Variants in DNAH6 observed in about 807,000 individuals in gnomAD.
The protein encoded by DNAH6 is axonemal beta dynein heavy chain 6.
DNAH6 carries 340 observed loss-of-function variants against 491.4 expected under a neutral mutation model. The ratio of observed to expected loss-of-function variants is 0.69; its 90% confidence interval spans 0.63 to 0.76. DNAH6 has a LOEUF of 0.76. DNAH6 is among the 30% of genes least tolerant of loss of function. The probability of loss-of-function intolerance (pLI) is 0.00; values close to 1 mark genes in which losing one functional copy is unlikely to be tolerated. For missense variants in DNAH6, 4,443 were observed against 4,972.2 expected (o/e 0.89, Z 3.20); for synonymous variants, 1,603 against 1,686.1 (o/e 0.95, Z 1.21).
At chr2:84,751,037 A>G (rs976143253) in intron 63 of DNAH6, 1 of 152,286 alleles carries the variant, frequency 6.6e-6, no homozygotes, top group African/African-American at 2.4e-5. Flanking sequence ...TATCACCTGA[A>G]GAAAAGATTC....
At chr2:84,644,876 A>C (rs549359110) in intron 33 of DNAH6, among the ~76,000 whole-genome samples, 1 of 152,240 alleles carries the variant, frequency 6.6e-6, no homozygotes, top group Admixed American at 6.5e-5. Flanking sequence ...CGTCTTTGCT[A>C]TTTTGAATAA....
At chr2:84,694,953 A>G (rs1695231473) in intron 46 of DNAH6, among the ~76,000 whole-genome samples, 1 of 152,212 alleles carries the variant, frequency 6.6e-6, no homozygotes, top group Admixed American at 6.5e-5. Context: ...AGGACTTTCT[A>G]CATTGATTAT....
intron 59 of DNAH6, among the ~76,000 whole-genome samples, chr2:84,721,053 G>A (rs1400486717): frequency 2.6e-5 from 4 of 152,162 alleles, no homozygotes; most frequent in African/African-American, 9.7e-5. Context: ...GAAACCTCAA[G>A]CCTGTAGGGC....
chr2:84,637,487 CA>C, intron 31 of DNAH6, 110 bp downstream of exon 31: 2 of 1,183,416 alleles, frequency 1.7e-6, no homozygotes, highest in Non-Finnish European at 2.3e-6. Context: ...TTAATGGTTA[CA>C]CATTATTAAG....
intron 62 of DNAH6, among the ~76,000 whole-genome samples, chr2:84,736,604 G>A (rs1217967509): frequency 6.6e-6 from 1 of 151,892 alleles, no homozygotes; most frequent in Non-Finnish European, 1.5e-5. Context: ...ATTTTAAATG[G>A]GATTGCATTC....
chr2:84,547,808 T>A (rs371344899), intron 7 of DNAH6, among the ~76,000 whole-genome samples, 196 bp downstream of exon 7: 1 of 152,202 alleles, frequency 6.6e-6, no homozygotes, highest in East Asian at 1.9e-4. Context: ...CTCCCATTAC[T>A]CCTGTTTGTA....
At position 84,796,375 on chromosome 2, in the gene DNAH6, G is replaced by T. The variant is rs2105284908; in HGVS notation, c.11309G>T (p.Arg3770Ile). Residue 3770 changes from arginine (R) to isoleucine (I), a missense_variant, in exon 69 of 77, where the codon AGA becomes ATA. Physicochemically the swap from Arg to Ile is moderately conservative, Grantham distance 97 (BLOSUM62 -3). Around this residue, in one of 3 missense-constraint regions of DNAH6, gnomAD observed 1,463 missense variants for 1,656.6 expected, o/e 0.88. Transcript: ENST00000389394. The stretch of plus-strand genomic sequence containing the variant: ...AGATGCCTTCGTACTATCTTGAAAA[G>T]ATTTTTTTCTCCTGAAACATTAGAA... Reference protein sequence around the residue: ...DQRCLRTILKRFFSPETLEED... With the variant: ...DQRCLRTILKIFFSPETLEED... 1 of 1,521,938 alleles carries T rather than the reference G, an allele frequency of 6.6e-7. No homozygotes were observed. The highest frequency in any genetic ancestry group is 8.9e-7 in the Non-Finnish European group (1 of 1,127,800). 94.3% of individuals were successfully genotyped at this position (1,521,938 alleles called of 1,614,324 possible). A position where few individuals can be genotyped will look rare whatever the true frequency, so the allele number is the denominator to read the frequency against.
At position 84,669,502 on chromosome 2, in the gene DNAH6, G is replaced by A; in HGVS notation, c.6298G>A (p.Val2100Met). ...HSVLFTGITG[V>M]GKSVIAKGLL... ...CGTGTTGTTTACTGGAATAACTGGA[G>A]TGGGCAAGGTAGGAAACTTACATCA... is the stretch of plus-strand genomic sequence containing the variant. The change falls in exon 38 of 77, where the codon GTG becomes ATG. Residue 2100 changes from valine to methionine, a missense_variant. Val to Met is a conservative substitution (Grantham distance 21). Transcript: ENST00000389394. The A allele has an allele frequency of 6.4e-7, 1 of 1,551,650 alleles. No homozygotes were observed. Among genetic ancestry groups the A allele is most frequent in the South Asian group, 1.2e-5 (1 of 84,052 alleles).
At chr2:84,649,326 G>A (rs1203153926) in intron 33 of DNAH6, among the ~76,000 whole-genome samples, 1 of 152,050 alleles carries the variant, frequency 6.6e-6, no homozygotes, top group Non-Finnish European at 1.5e-5. Flanking sequence ...CACAATGAAT[G>A]GTAATACGAT....
intron 24 of DNAH6, among the ~76,000 whole-genome samples, chr2:84,620,758 TAGA>T (rs1687316936): frequency 6.6e-6 from 1 of 151,962 alleles, no homozygotes; most frequent in Admixed American, 6.6e-5. Context: ...AAAGAGAAGT[TAGA>T]AGAAGAGCAG....
intron 45 of DNAH6, among the ~76,000 whole-genome samples, chr2:84,689,372 C>G (rs1030824854): frequency 1.3e-5 from 2 of 152,180 alleles, no homozygotes; most frequent in African/African-American, 4.8e-5. Flanking sequence ...TTAGCAGATT[C>G]ATTTTATCAT....
chr2:84,562,743 C>T (rs1473692889), intron 11 of DNAH6, among the ~76,000 whole-genome samples: 2 of 152,154 alleles, frequency 1.3e-5, no homozygotes, highest in African/African-American at 4.8e-5. Context: ...CACTTAATTC[C>T]TCCAGCAGTG....
At chr2:84,464,125 C>A in the DNAH6 span, among the ~76,000 whole-genome samples, 11 of 152,104 alleles carry the variant, frequency 7.2e-5, no homozygotes, top group Admixed American at 7.2e-4. Context: ...CTGATACATA[C>A]ATCCTTCTAT....
At chr2:84,463,580 A>G in the DNAH6 span, among the ~76,000 whole-genome samples, 4 of 152,266 alleles carry the variant, frequency 2.6e-5, no homozygotes, top group South Asian at 6.2e-4. Context: ...ATTCAAGCAT[A>G]TACATATATC....
intron 13 of DNAH6, among the ~76,000 whole-genome samples, chr2:84,578,425 GAGAGTT>G (rs1319820527): frequency 3.3e-5 from 5 of 152,094 alleles, no homozygotes; most frequent in African/African-American, 1.2e-4. Flanking sequence ...AAGCAATCAG[GAGAGTT>G]ATTGGCATAT....
At chr2:84,817,116 C>T (rs1342457958) in intron 76 of DNAH6, among the ~76,000 whole-genome samples, 1 of 151,736 alleles carries the variant, frequency 6.6e-6, no homozygotes, top group Non-Finnish European at 1.5e-5. Flanking sequence ...TGATTTTTAG[C>T]AACCTACAAG....
At chr2:84,691,091 C>G (rs1694812048) in intron 45 of DNAH6, among the ~76,000 whole-genome samples, 3 of 152,196 alleles carry the variant, frequency 2.0e-5, no homozygotes, top group Admixed American at 2.0e-4. Flanking sequence ...AGAACTATCT[C>G]TTGCCTACCA....
intron 57 of DNAH6, among the ~76,000 whole-genome samples, chr2:84,714,352 T>G (rs1428454443): frequency 6.6e-6 from 1 of 152,198 alleles, no homozygotes; most frequent in Non-Finnish European, 1.5e-5. Context: ...GGATTTTCCT[T>G]GTCAGCCTCG....
chr2:84,579,070 T>C (rs560626328), intron 13 of DNAH6, among the ~76,000 whole-genome samples: 1 of 152,174 alleles, frequency 6.6e-6, no homozygotes, highest in Non-Finnish European at 1.5e-5. Context: ...CTCGGGCAGT[T>C]CTTTATAGTA....
Sources: gnomAD v4.1 joint callset for allele counts (sites outside exome capture counted in the v4.1 genomes callset) on GRCh38, gnomAD v4.1.1 for gene constraint, gnomAD v4.1.1 regional missense constraint, MANE v1.5 for transcripts, NCBI Gene and HGNC (gene_info 2026-07-23, HGNC 2026-07-21) for gene names.